Variants in COL28A1 observed in about 807,000 individuals in gnomAD.
COL28A1 encodes collagen type XXVIII alpha 1 chain.
A neutral mutation model predicts 150.2 loss-of-function variants in COL28A1; 161 were observed. The observed-to-expected ratio is 1.07, with a 90% CI of 0.94 to 1.22. The LOEUF (loss-of-function observed/expected upper bound fraction) is 1.22. COL28A1 is among the 50% of genes most tolerant of loss of function. COL28A1 has a pLI of 0.00. For missense variants in COL28A1, 1,617 were observed against 1,388.3 expected, an observed-to-expected ratio of 1.16 and a Z score of -2.62; for synonymous variants, 552 against 469.7, an observed-to-expected ratio of 1.18 and a Z score of -2.26.
At chr7:7,498,108 G>T (rs1286161379) in intron 11 of COL28A1, among the ~76,000 whole-genome samples, 2 of 152,014 alleles carry the variant, frequency 1.3e-5, no homozygotes, top group African/African-American at 4.8e-5. Flanking sequence ...ATGCTATTAG[G>T]TTTAACCACA....
chr7:7,431,002 C>T (rs1784931981), intron 25 of COL28A1, among the ~76,000 whole-genome samples: 1 of 152,124 alleles, frequency 6.6e-6, no homozygotes, highest in African/African-American at 2.4e-5. Flanking sequence ...AATGTGGCAG[C>T]TATCAAGATT....
At chr7:7,531,198 A>G in intron 3 of COL28A1, 150 bp downstream of exon 3, 1 of 477,518 alleles carries the variant, frequency 2.1e-6, no homozygotes, top group South Asian at 4.8e-5. Context: ...AAGAAAGTGG[A>G]GTGACACTTC....
intron 27 of COL28A1, among the ~76,000 whole-genome samples, chr7:7,390,869 G>C (rs962116231): frequency 6.6e-6 from 1 of 152,060 alleles, no homozygotes; most frequent in African/African-American, 2.4e-5. Flanking sequence ...GCATCTATTT[G>C]ATTCTTCTCT....
At chr7:7,342,620 G>C in the COL28A1 span, among the ~76,000 whole-genome samples, 8 of 151,388 alleles carry the variant, frequency 5.3e-5, no homozygotes, top group Non-Finnish European at 4.4e-5. Context: ...GCTTTTCCTA[G>C]AAATTCCACA....
chr7:7,437,593 T>C (rs1385664530), intron 21 of COL28A1, 131 bp from the exon 22 acceptor site: 18 of 1,330,428 alleles, frequency 1.4e-5, no homozygotes, highest in Middle Eastern at 2.2e-4. Flanking sequence ...CAAAGACCAA[T>C]GTGAAAATAA....
chr7:7,456,085 C>T lies in COL28A1; in HGVS notation c.1330G>A (p.Gly444Arg), dbSNP rs1787145664. 1.2e-6 allele frequency: 2 copies of T among 1,613,864 alleles called. No individual in the cohort carries two copies. Among genetic ancestry groups the T allele is most frequent in the South Asian group, 2.2e-5 (2 of 91,050 alleles). ...KGDIGPVGPQ[G>R]PMGIPGIGSQ... ...CCGATTCCAGGGATACCCATTGGTCCTTGGGGTCCCACAGGTCCTATATCC... is the reference window on the plus strand; with the variant it reads ...CCGATTCCAGGGATACCCATTGGTCTTTGGGGTCCCACAGGTCCTATATCC... Residue 444 changes from glycine (G) to arginine (R), a missense_variant, in exon 16 of 35, where the codon GGA becomes AGA. Transcript: ENST00000399429.
intron 11 of COL28A1, among the ~76,000 whole-genome samples, chr7:7,498,543 G>C (rs1420088790): frequency 6.6e-6 from 1 of 152,102 alleles, no homozygotes; most frequent in Non-Finnish European, 1.5e-5. Context: ...ATAGATACTG[G>C]TGATGGTTAT....
intron 8 of COL28A1, 151 bp from the exon 9 acceptor site, chr7:7,511,286 G>C: frequency 1.7e-6 from 1 of 589,068 alleles, no homozygotes; most frequent in Non-Finnish European, 3.0e-6. Context: ...AATACTGTGG[G>C]TTTTATGGGC....
At chr7:7,471,958 A>C (rs935544380) in intron 15 of COL28A1, among the ~76,000 whole-genome samples, 1 of 152,196 alleles carries the variant, frequency 6.6e-6, no homozygotes, top group Non-Finnish European at 1.5e-5. Context: ...AGAGCATTTG[A>C]CAAAATCCAG....
intron 31 of COL28A1, among the ~76,000 whole-genome samples, chr7:7,374,024 T>TAAAAAAAAAAAAAA (rs1188442971): frequency 8.6e-5 from 10 of 116,378 alleles, no homozygotes; most frequent in African/African-American, 3.4e-4. Context: ...ACTTGACTCT[T>TAAAAAAAAAAAAAA]AAAAAAAAAA....
intron 27 of COL28A1, among the ~76,000 whole-genome samples, chr7:7,390,469 T>TC (rs1480823701): frequency 1.2e-4 from 19 of 152,290 alleles, no homozygotes; most frequent in African/African-American, 4.6e-4. Flanking sequence ...TTGTTGGGTC[T>TC]CTGCCAGGTT....
intron 5 of COL28A1, among the ~76,000 whole-genome samples, chr7:7,520,978 G>C (rs558017937): frequency 6.6e-6 from 1 of 152,212 alleles, no homozygotes; most frequent in Admixed American, 6.5e-5. Flanking sequence ...TTGATTGGTA[G>C]GATGGTTTGA....
chr7:7,376,941 C>T (rs926504346), intron 30 of COL28A1, among the ~76,000 whole-genome samples: 2 of 152,128 alleles, frequency 1.3e-5, no homozygotes, highest in Non-Finnish European at 2.9e-5. Context: ...TTATTTTAGC[C>T]ACACAATACT....
the COL28A1 span, among the ~76,000 whole-genome samples, chr7:7,348,547 C>G: frequency 2.6e-5 from 4 of 152,040 alleles, no homozygotes; most frequent in African/African-American, 9.7e-5. Context: ...CTATAAATGA[C>G]ACACAATAAA....
At position 7,456,090 on chromosome 7, in the gene COL28A1, G is replaced by A. The variant is rs1787146038; in HGVS notation, c.1325C>T (p.Pro442Leu). 7 of 1,613,562 alleles carry A rather than the reference G, an allele frequency of 4.3e-6. No individual in the cohort carries two copies. The highest frequency in any genetic ancestry group is 5.9e-6 in the Non-Finnish European group (7 of 1,179,730). Residue 442 changes from proline (P) to leucine (L), a missense_variant, in exon 16 of 35, where the codon CCC becomes CTC. Coordinates refer to ENST00000399429, the MANE Select transcript of COL28A1 (RefSeq NM_001037763.3). ...TCCAGGGATACCCATTGGTCCTTGG[G>A]GTCCCACAGGTCCTATATCCCCCTG... ...GEKGDIGPVG[P>L]QGPMGIPGIG...
At chr7:7,403,339 A>G (rs1783321259) in intron 27 of COL28A1, among the ~76,000 whole-genome samples, 1 of 152,192 alleles carries the variant, frequency 6.6e-6, no homozygotes, top group Admixed American at 6.5e-5. Flanking sequence ...TGTGTATACT[A>G]GTTTTTGAAG....
At chr7:7,472,245 T>C (rs1045182047) in intron 15 of COL28A1, among the ~76,000 whole-genome samples, 2 of 152,172 alleles carry the variant, frequency 1.3e-5, no homozygotes, top group Non-Finnish European at 2.9e-5. Context: ...TGTTTGCTGA[T>C]GATATGATTG....
At chr7:7,424,904 G>C (rs1360691517) in intron 25 of COL28A1, among the ~76,000 whole-genome samples, 10 of 151,920 alleles carry the variant, frequency 6.6e-5, no homozygotes, top group African/African-American at 2.2e-4. Context: ...TAACCTTGCA[G>C]AGTGGATAAT....
chr7:7,432,993 T>C (rs538689944), intron 23 of COL28A1, among the ~76,000 whole-genome samples: 1 of 152,160 alleles, frequency 6.6e-6, no homozygotes, highest in Non-Finnish European at 1.5e-5. Flanking sequence ...GTTAAATCTA[T>C]TCTCTTCATT....
Sources: allele counts gnomAD v4.1 joint callset (sites outside exome capture counted in the v4.1 genomes callset), GRCh38; gene constraint gnomAD v4.1.1; transcripts MANE v1.5; gene names NCBI Gene and HGNC (gene_info 2026-07-23, HGNC 2026-07-21).